The following DOCK7 variants were observed in gnomAD, a reference collection of about 807,000 sequenced individuals.
DOCK7 encodes the protein dedicator of cytokinesis protein 7.
In DOCK7, 138 loss-of-function variants were observed where a neutral mutation model predicts 271.0. The observed-to-expected ratio is 0.51, with a 90% CI of 0.44 to 0.59. The LOEUF is 0.59. DOCK7 is among the 20% of genes least tolerant of loss of function. The pLI is 0.00. For missense variants in DOCK7, 2,066 were observed against 2,592.4 expected (o/e 0.80, Z 4.41); for synonymous variants, 823 against 876.1 (o/e 0.94, Z 1.07).
At chr1:62,465,272 T>C (rs952323850) in intron 48 of DOCK7, among the ~76,000 whole-genome samples, 33 of 152,222 alleles carry the variant, frequency 2.2e-4, no homozygotes, top group African/African-American at 8.0e-4. Flanking sequence ...AGTTCTTGTG[T>C]ATTTTTCATT....
chr1:62,510,450 T>C, intron 34 of DOCK7, 127 bp downstream of exon 34: 1 of 569,648 alleles, frequency 1.8e-6, no homozygotes, highest in South Asian at 5.8e-5. Context: ...TATTTTGTTC[T>C]CTAAGACTTA....
chr1:62,533,850 C>CT (rs1261137398), intron 29 of DOCK7, among the ~76,000 whole-genome samples: 1 of 152,066 alleles, frequency 6.6e-6, no homozygotes, highest in African/African-American at 2.4e-5. Flanking sequence ...TAAAGTATCT[C>CT]TTTTCGTTCT....
intron 6 of DOCK7, 93 bp downstream of exon 6, chr1:62,648,013 T>G (rs1247404814): frequency 8.3e-7 from 1 of 1,201,660 alleles, no homozygotes; most frequent in African/African-American, 1.5e-5. Context: ...TCAGTTGCTT[T>G]ATCCTCTACA....
intron 14 of DOCK7, chr1:62,608,266 T>A (rs1221138857): frequency 6.6e-6 from 1 of 152,178 alleles, no homozygotes; most frequent in Non-Finnish European, 1.5e-5. Context: ...CTTCCAGGTT[T>A]TCAAAAGTCT....
At chr1:62,500,112 G>C (rs937640977) in intron 37 of DOCK7, among the ~76,000 whole-genome samples, 8 of 152,062 alleles carry the variant, frequency 5.3e-5, no homozygotes. Context: ...CCTATGTTGA[G>C]TAGTAAAAAG....
At chr1:62,587,299 TAAAAAAAAAAAAA>T in intron 14 of DOCK7, among the ~76,000 whole-genome samples, 1 of 41,818 alleles carries the variant, frequency 2.4e-5, no homozygotes, top group Non-Finnish European at 5.4e-5. Context: ...ACCAAATAGC[TAAAAAAAAAAAAA>T]AAAAAAAAAA....
Position 62,473,988 on chromosome 1 carries a change from G to A in DOCK7, c.6206C>T (p.Thr2069Ile). The A allele has an allele frequency of 6.2e-7, 1 of 1,613,328 alleles. No individual in the cohort carries two copies. Among genetic ancestry groups the A allele is most frequent in the Non-Finnish European group, 8.5e-7 (1 of 1,179,484 alleles). ...CGCAGAAAGCCTTGAATACCTTTTA[G>A]TAAAATCTTTAAAGCAGAGTCGCAG... ...NKLRLCFKDFTKRCEDALRKN... is the reference protein window; with the variant it reads ...NKLRLCFKDFIKRCEDALRKN... The change falls in exon 48 of 50, where the codon ACT becomes ATT. Residue 2069 changes from threonine to isoleucine, a missense_variant. This residue lies in a region of DOCK7 where 652 missense variants were observed against 922.1 expected (regional missense o/e 0.71). Transcript: ENST00000635253.
At chr1:62,559,495 T>C (rs1646253692) in intron 19 of DOCK7, among the ~76,000 whole-genome samples, 1 of 152,150 alleles carries the variant, frequency 6.6e-6, no homozygotes, top group Non-Finnish European at 1.5e-5. Context: ...GTTCAATTAT[T>C]GTGGCAGGCA....
intron 48 of DOCK7, among the ~76,000 whole-genome samples, chr1:62,463,300 A>G (rs1466808859): frequency 2.0e-5 from 3 of 152,200 alleles, no homozygotes; most frequent in Non-Finnish European, 4.4e-5. Flanking sequence ...CTAGTTGGTA[A>G]AAGTTACAAT....
At chr1:62,667,457 T>C (rs1238976835) in intron 1 of DOCK7, among the ~76,000 whole-genome samples, 2 of 152,210 alleles carry the variant, frequency 1.3e-5, no homozygotes, top group South Asian at 2.1e-4. Flanking sequence ...AGTGTAACTA[T>C]CTAAGTTCAA....
chr1:62,463,265 A>G (rs909294724), intron 48 of DOCK7, among the ~76,000 whole-genome samples: 8 of 152,206 alleles, frequency 5.3e-5, no homozygotes, highest in African/African-American at 1.4e-4. Context: ...AATTTAATCC[A>G]CGACTACCTA....
chr1:62,586,401 A>C, intron 15 of DOCK7, 106 bp downstream of exon 15: 1 of 754,534 alleles, frequency 1.3e-6, no homozygotes, highest in Non-Finnish European at 2.1e-6. Context: ...AATTTGGTTT[A>C]AAAGATCACA....
At chr1:62,533,199 AAAT>A (rs1645232958) in intron 29 of DOCK7, among the ~76,000 whole-genome samples, 1 of 152,104 alleles carries the variant, frequency 6.6e-6, no homozygotes, top group Non-Finnish European at 1.5e-5. Context: ...AATAAATAAT[AAAT>A]AATAAAAATC....
At chr1:62,623,354 C>T (rs1557818900) in intron 12 of DOCK7, among the ~76,000 whole-genome samples, 1 of 152,148 alleles carries the variant, frequency 6.6e-6, no homozygotes, top group Non-Finnish European at 1.5e-5. Context: ...AGTTTCTGTA[C>T]TGTAAACATT....
In DOCK7 at chr1:62,636,602, A is replaced by G; in HGVS notation, c.820T>C (p.Phe274Leu). 1.3e-6 allele frequency: 2 copies of G among 1,592,248 alleles called. No homozygotes were observed. Among genetic ancestry groups the G allele is most frequent in the Non-Finnish European group, 8.6e-7 (1 of 1,165,928 alleles). ...RLLVKCLSLK[F>L]EIEIEPIFAS... ...AAAATGGGTTCAATTTCAATTTCAA[A>G]CCTTTATGAAGAAAAAGGATAAAAT... Residue 274 changes from phenylalanine (F) to leucine (L), a missense_variant and splice_region_variant, in exon 8 of 50, where the codon TTT (phenylalanine) becomes CTT (leucine). Physicochemically the swap from Phe to Leu is conservative, Grantham distance 22. Transcript: ENST00000635253.
intron 18 of DOCK7, among the ~76,000 whole-genome samples, chr1:62,575,801 C>T (rs1646926640): frequency 6.6e-6 from 1 of 152,192 alleles, no homozygotes. Context: ...TGAGCATATA[C>T]AGTATGGTAG....
At position 62,630,651 on chromosome 1, in the gene DOCK7, C is replaced by T. The variant is rs574353782; in HGVS notation, c.1282+589G>A. ...ACTTGGGGAGAACATGCAAACTCTA[C>T]ACAGACAGTAGCTCCAGCCAGGAAT... is the stretch of plus-strand genomic sequence containing the variant. On this transcript the variant is annotated intron_variant, in intron 11 of 49. Coordinates refer to ENST00000635253, the MANE Select transcript of DOCK7 (RefSeq NM_001367561.1). 7.2e-5 allele frequency among the ~76,000 whole-genome samples: 11 copies of T among 152,242 alleles called. No homozygotes were observed. The South Asian group carries it at 2.1e-3, about 29-fold the overall frequency.
At chr1:62,682,484 A>T (rs1661281427) in intron 1 of DOCK7, among the ~76,000 whole-genome samples, 1 of 152,214 alleles carries the variant, frequency 6.6e-6, no homozygotes, top group Middle Eastern at 3.2e-3. Context: ...ACCTGCCATC[A>T]AAGAGCTCTG....
At position 62,681,674 on chromosome 1, in the gene DOCK7, C is replaced by T. The variant is rs142043970; in HGVS notation, c.38+6553G>A. Among the ~76,000 whole-genome samples the T allele has an allele frequency of 6.3e-3, 959 of 151,528 alleles. 10 individuals carry two copies. The highest frequency in any genetic ancestry group is 0.022 in the African/African-American group (917 of 41,320). On this transcript the variant is annotated intron_variant, in intron 1 of 49. Transcript: ENST00000635253. Reference sequence around the variant, plus strand: ...ATTTGTATAGGAGTGTTCATGGAAACGTTTGTAATAGTAAAAAACTGGAAA... The same window carrying T: ...ATTTGTATAGGAGTGTTCATGGAAATGTTTGTAATAGTAAAAAACTGGAAA...
Sources: gnomAD v4.1 joint callset for allele counts (sites outside exome capture counted in the v4.1 genomes callset) on GRCh38, gnomAD v4.1.1 for gene constraint, gnomAD v4.1.1 regional missense constraint, MANE v1.5 for transcripts, NCBI Gene and HGNC (gene_info 2026-07-23, HGNC 2026-07-21) for gene names.